The following DNAH14 variants were observed in gnomAD, a reference collection of about 807,000 sequenced individuals.
The protein encoded by DNAH14 is dynein axonemal heavy chain 14, also known as axonemal beta dynein heavy chain 14.
Under a neutral mutation model 520.9 loss-of-function variants are expected in DNAH14, and 478 were observed. The observed-to-expected ratio is 0.92, with a 90% CI of 0.85 to 0.99. The LOEUF (loss-of-function observed/expected upper bound fraction) is 0.99, where lower values mean the gene tolerates loss of function less well. DNAH14 is among the 50% of genes least tolerant of loss of function. The probability of loss-of-function intolerance (pLI) is 0.00; values close to 1 mark genes in which losing one functional copy is unlikely to be tolerated. For missense variants in DNAH14, 4,831 were observed against 5,234.5 expected (o/e 0.92, Z 2.38); for synonymous variants, 1,581 against 1,757.2 (o/e 0.90, Z 2.51).
Position 225,315,945 on chromosome 1 carries a change from C to T in DNAH14, c.9241-2638C>T, listed in dbSNP as rs1051812933. Among the ~76,000 whole-genome samples, 12 of 152,132 alleles carry T rather than the reference C, an allele frequency of 7.9e-5. No individual in the cohort carries two copies. In the East Asian group the frequency reaches 9.6e-4, roughly 12 times the overall value. ...GGCAGTCTGTCCCTTTGCAGAGCTG[C>T]GGCCACAGCTGCCCCTTCCTTCAGG... On this transcript the variant is annotated intron_variant, in intron 60 of 85. Transcript: ENST00000682510.
rs577993664 is a variant in DNAH14 at position 225,195,201 on chromosome 1, A to G, written c.5886+2290A>G. On this transcript the variant is annotated intron_variant, in intron 38 of 85. Transcript: ENST00000682510. Reference sequence around the variant, plus strand: ...ATAAATCATTCTACCATAAAGACACATGCATACATATGTTCATCACAGCAC... The same window carrying G: ...ATAAATCATTCTACCATAAAGACACGTGCATACATATGTTCATCACAGCAC... Among the ~76,000 whole-genome samples, 5 of 152,254 alleles carry G rather than the reference A, an allele frequency of 3.3e-5. No homozygotes were observed. The East Asian group carries it at 9.7e-4, about 29-fold the overall frequency.
At chr1:225,309,746 A>T (rs1041982577) in intron 60 of DNAH14, among the ~76,000 whole-genome samples, 2 of 152,142 alleles carry the variant, frequency 1.3e-5, no homozygotes, top group African/African-American at 2.4e-5. Flanking sequence ...TACAAAAATT[A>T]GCTGAATGTG....
At chr1:225,335,416 C>A (rs2094942637) in intron 66 of DNAH14, among the ~76,000 whole-genome samples, 1 of 129,120 alleles carries the variant, frequency 7.7e-6, no homozygotes. Context: ...TGTGTGTATG[C>A]ACATATGCAC....
Position 225,346,458 on chromosome 1 carries a change from G to T in DNAH14, c.11100G>T (p.Val3700=). The T allele has an allele frequency of 6.5e-7, 1 of 1,545,176 alleles. No homozygotes were observed. The highest frequency in any genetic ancestry group is 1.2e-5 in the South Asian group (1 of 82,538). The part of the protein sequence containing the change: ...IDMLTKSIFK[V]VSSALFNEDK... ...AATATGTTATATTTTCCCTATAGGTGGTTTCTTCAGCTCTATTTAATGAAG... is the reference window on the plus strand; with the variant it reads ...AATATGTTATATTTTCCCTATAGGTTGTTTCTTCAGCTCTATTTAATGAAG... Residue 3700 remains valine, a splice_region_variant and synonymous_variant, in exon 71 of 86, where the codon GTG becomes GTT. Transcript: ENST00000682510.
intron 10 of DNAH14, among the ~76,000 whole-genome samples, chr1:225,018,664 C>T (rs902339144): frequency 6.6e-6 from 1 of 152,148 alleles, no homozygotes; most frequent in Non-Finnish European, 1.5e-5. Context: ...AAGGGCAGAT[C>T]ACTGGCAAAG....
At chr1:225,175,027 T>A (rs1842338) in intron 36 of DNAH14, among the ~76,000 whole-genome samples, 53,682 of 152,076 alleles carry the variant, frequency 0.35, 11,771 homozygotes, top group East Asian at 0.61. Context: ...GATGAATCCC[T>A]CTTGATCATG....
intron 52 of DNAH14, among the ~76,000 whole-genome samples, chr1:225,274,421 C>A (rs889848606): frequency 6.6e-6 from 1 of 151,804 alleles, no homozygotes; most frequent in Non-Finnish European, 1.5e-5. Flanking sequence ...GTCTCGATCT[C>A]CTGACCTCGT....
chr1:225,039,094 T>C (rs528059344), intron 12 of DNAH14, among the ~76,000 whole-genome samples: 1 of 152,288 alleles, frequency 6.6e-6, no homozygotes, highest in Non-Finnish European at 1.5e-5. Context: ...ATAACAGCAG[T>C]GGGCATACCA....
In DNAH14 at chr1:225,097,118, G is replaced by A; in HGVS notation, c.3574G>A (p.Asp1192Asn). The A allele has an allele frequency of 6.5e-7, 1 of 1,545,018 alleles. No homozygotes were observed. Among genetic ancestry groups the A allele is most frequent in the Non-Finnish European group, 8.7e-7 (1 of 1,143,712 alleles). The change falls in exon 22 of 86, where the codon GAT becomes AAT. Residue 1192 changes from aspartate (D) to asparagine (N), a missense_variant and splice_region_variant. Physicochemically the swap from Asp to Asn is conservative, Grantham distance 23 (BLOSUM62 1). Coordinates refer to ENST00000682510, the MANE Select transcript of DNAH14 (RefSeq NM_001367479.1). Reference protein sequence around the residue: ...KGSPHIGPIKDLVNEWDQNLT... With the variant: ...KGSPHIGPIKNLVNEWDQNLT... ...TGTGTATATGTTTTTATCATTGTAG[G>A]ATCTTGTGAATGAATGGGATCAAAA...
At chr1:224,942,342 G>T (rs2059478037) in intron 1 of DNAH14, among the ~76,000 whole-genome samples, 1 of 152,170 alleles carries the variant, frequency 6.6e-6, no homozygotes, top group African/African-American at 2.4e-5. Flanking sequence ...GGTGATTTTT[G>T]TGCATTGATT....
In DNAH14 at chr1:225,392,300, C is replaced by T. The variant is rs2095927707; in HGVS notation, c.13340C>T (p.Ala4447Val). The change falls in exon 84 of 86, where the codon GCT (alanine) becomes GTT (valine). Residue 4447 changes from alanine to valine, a missense_variant. By Grantham distance (64) the Ala-to-Val change is moderately conservative (BLOSUM62 0). Coordinates refer to ENST00000682510, the MANE Select transcript of DNAH14 (RefSeq NM_001367479.1). ...PAFFFPQAFL[A>V]AVLQDYGRSR... ...GTGTTCTTCTCCAAAGCCTTTCTTGCTGCTGTGCTTCAAGACTATGGGAGG... is the reference window on the plus strand; with the variant it reads ...GTGTTCTTCTCCAAAGCCTTTCTTGTTGCTGTGCTTCAAGACTATGGGAGG... The T allele has an allele frequency of 6.4e-7, 1 of 1,552,394 alleles. No homozygotes were observed. Among genetic ancestry groups the T allele is most frequent in the Non-Finnish European group, 8.7e-7 (1 of 1,147,120 alleles).
chr1:225,047,500 T>C (rs1370742015), intron 15 of DNAH14, among the ~76,000 whole-genome samples: 2 of 152,206 alleles, frequency 1.3e-5, no homozygotes, highest in Non-Finnish European at 2.9e-5. Flanking sequence ...TAATATGCAG[T>C]AAAAGTTTGT....
intron 13 of DNAH14, among the ~76,000 whole-genome samples, chr1:225,043,539 G>A (rs554373724): frequency 1.3e-5 from 2 of 152,240 alleles, no homozygotes; most frequent in South Asian, 4.1e-4. Flanking sequence ...TCATCAAGAG[G>A]AACAACATCT....
intron 27 of DNAH14, among the ~76,000 whole-genome samples, chr1:225,126,745 G>T (rs1164872518): frequency 6.6e-6 from 1 of 151,966 alleles, no homozygotes; most frequent in Admixed American, 6.6e-5. Flanking sequence ...CTTCCCTTCT[G>T]CAAGCTTTTG....
chr1:225,259,970 A>G (rs1354412014), intron 46 of DNAH14, among the ~76,000 whole-genome samples: 1 of 152,190 alleles, frequency 6.6e-6, no homozygotes, highest in Admixed American at 6.5e-5. Flanking sequence ...TAAAAAATCC[A>G]TTTAAATGAC....
intron 35 of DNAH14, among the ~76,000 whole-genome samples, chr1:225,161,891 A>G (rs2081554497): frequency 6.6e-6 from 1 of 152,144 alleles, no homozygotes; most frequent in Non-Finnish European, 1.5e-5. Flanking sequence ...AGCTCCTTAT[A>G]TATTCTGGTT....
Position 224,947,208 on chromosome 1 carries a change from G to A in DNAH14, c.-33-5462G>A, listed in dbSNP as rs554483652. Among the ~76,000 whole-genome samples the A allele has an allele frequency of 2.3e-4, 35 of 152,076 alleles. No homozygotes were observed. The Middle Eastern group carries it at 0.02, about 89-fold the overall frequency. On this transcript the variant is annotated intron_variant, in intron 1 of 85. Transcript: ENST00000682510. ...GCTGGGATTACAGGCGTGAACCACC[G>A]CACCCAACCTCATCTACATTTGGTA...
chr1:225,045,135 C>T (rs1370849178), intron 15 of DNAH14, among the ~76,000 whole-genome samples: 3 of 152,060 alleles, frequency 2.0e-5, no homozygotes, highest in Non-Finnish European at 2.9e-5. Flanking sequence ...GTCTGAAGAA[C>T]TAAGTTCTTA....
rs1258401855 is a variant in DNAH14 at position 225,374,717 on chromosome 1, G to A, written c.12348G>A (p.Leu4116=). The A allele has an allele frequency of 1.9e-6, 3 of 1,549,772 alleles. No homozygotes were observed. The highest frequency in any genetic ancestry group is 2.4e-5 in the South Asian group (2 of 83,754). The part of the protein sequence containing the change: ...GVAIKVLENS[L]RGQPSISWQA... ...CCATTAAGGTGTTGGAAAATTCCCT[G>A]AGAGGACAGCCCAGCATTTCGTGGC... The change falls in exon 78 of 86, where the codon CTG becomes CTA. Residue 4116 remains leucine (L), a synonymous_variant. Coordinates refer to ENST00000682510, the MANE Select transcript of DNAH14 (RefSeq NM_001367479.1).
Sources: gnomAD v4.1 joint callset for allele counts (sites outside exome capture counted in the v4.1 genomes callset) on GRCh38, gnomAD v4.1.1 for gene constraint, MANE v1.5 for transcripts, NCBI Gene and HGNC (gene_info 2026-07-23, HGNC 2026-07-21) for gene names.